The following LRBA variants were observed in gnomAD, a reference collection of about 807,000 sequenced individuals.
The protein encoded by LRBA is LPS responsive beige-like anchor protein, also known as lipopolysaccharide-responsive and beige-like anchor protein.
Under a neutral mutation model 330.0 loss-of-function variants are expected in LRBA, and 176 were observed. The ratio of observed to expected loss-of-function variants is 0.53; its 90% confidence interval spans 0.47 to 0.60. The LOEUF (loss-of-function observed/expected upper bound fraction) is 0.60, where lower values mean the gene tolerates loss of function less well. Ranked by LOEUF, LRBA falls within the 20% of genes least tolerant of loss-of-function variation. The probability of loss-of-function intolerance (pLI) is 0.00; values close to 1 mark genes in which losing one functional copy is unlikely to be tolerated. For missense variants in LRBA, 3,259 were observed against 3,444.8 expected, an observed-to-expected ratio of 0.95 and a Z score of 1.35; for synonymous variants, 1,230 against 1,193.0, an observed-to-expected ratio of 1.03 and a Z score of -0.64.
chr4:150,763,608 G>C (rs550571504), intron 34 of LRBA, among the ~76,000 whole-genome samples: 1 of 151,996 alleles, frequency 6.6e-6, no homozygotes, highest in East Asian at 1.9e-4. Flanking sequence ...TTGAGAGAAG[G>C]GCATGTGCCA....
At chr4:150,487,859 T>A (rs1027251181) in intron 41 of LRBA, 25 bp from the exon 42 acceptor site, 1 of 1,317,314 alleles carries the variant, frequency 7.6e-7, no homozygotes, top group Non-Finnish European at 1.1e-6. Flanking sequence ...TTTTAAAAAT[T>A]AGAACACAGT....
chr4:150,582,979 C>T (rs761139412), intron 40 of LRBA: 2 of 1,526,954 alleles, frequency 1.3e-6, no homozygotes, highest in Admixed American at 2.1e-5. Flanking sequence ...AGCCTTGGAT[C>T]CCTCAACGTA....
chr4:150,615,464 A>C (rs886173411), intron 37 of LRBA, among the ~76,000 whole-genome samples: 23 of 152,318 alleles, frequency 1.5e-4, no homozygotes, highest in South Asian at 1.5e-3. Flanking sequence ...CAGTGGAAGT[A>C]GTAAAAAGTC....
intron 47 of LRBA, among the ~76,000 whole-genome samples, chr4:150,369,625 C>T (rs1739969519): frequency 1.3e-5 from 2 of 151,934 alleles, no homozygotes; most frequent in African/African-American, 4.8e-5. Context: ...TAACAAAATG[C>T]TTACTTATGC....
intron 44 of LRBA, among the ~76,000 whole-genome samples, chr4:150,445,137 C>A (rs572761694): frequency 4.7e-4 from 72 of 151,872 alleles, no homozygotes; most frequent in Non-Finnish European, 8.8e-4. Context: ...ACTTAAAAAA[C>A]CAGTTAAGGC....
intron 2 of LRBA, among the ~76,000 whole-genome samples, chr4:150,949,558 C>T (rs930466013): frequency 2.0e-5 from 3 of 152,034 alleles, no homozygotes; most frequent in African/African-American, 7.2e-5. Flanking sequence ...CAAAGGATTT[C>T]TCTGCATTAT....
Position 150,321,450 on chromosome 4 carries a change from A to G in LRBA, c.7453-82T>C, listed in dbSNP as rs532354190. 37 of 1,204,190 alleles carry G rather than the reference A, an allele frequency of 3.1e-5. No homozygotes were observed. In the South Asian group the frequency reaches 5.9e-4, roughly 19 times the overall value. The allele number at this position is 1,204,190 out of a possible 1,614,324, so 74.6% of individuals were successfully genotyped here. Reference sequence around the variant, plus strand: ...AAAGATGAAGAAAGACAAGAAAGAGAGGGGGTGCAGGAAAAGAAGAGGAAG... The same window carrying G: ...AAAGATGAAGAAAGACAAGAAAGAGGGGGGGTGCAGGAAAAGAAGAGGAAG... On this transcript the variant is annotated intron_variant, in intron 49 of 56. Coordinates refer to ENST00000651943, the MANE Select transcript of LRBA (RefSeq NM_001364905.1). The surrounding 1 kb of genome is among the most constrained non-coding windows in gnomAD (Gnocchi z 4.5).
At chr4:150,689,826 G>A (rs1783958041) in intron 36 of LRBA, among the ~76,000 whole-genome samples, 1 of 152,162 alleles carries the variant, frequency 6.6e-6, no homozygotes. Context: ...TTGGGAGGCT[G>A]AGGTGGGAGG....
At chr4:150,726,267 A>C (rs537929817) in intron 36 of LRBA, among the ~76,000 whole-genome samples, 12 of 152,328 alleles carry the variant, frequency 7.9e-5, no homozygotes, top group African/African-American at 2.9e-4. Flanking sequence ...TTCACCTATA[A>C]AGTTACACAT....
At chr4:150,398,036 T>C (rs1744980907) in intron 47 of LRBA, among the ~76,000 whole-genome samples, 2 of 152,170 alleles carry the variant, frequency 1.3e-5, no homozygotes, top group African/African-American at 4.8e-5. Context: ...TAATTACATA[T>C]ATATTTTAGT....
chr4:150,421,274 TATAA>T (rs1348243479), intron 46 of LRBA, among the ~76,000 whole-genome samples: 2 of 141,604 alleles, frequency 1.4e-5, no homozygotes, highest in South Asian at 2.1e-4. Flanking sequence ...ATATATATAA[TATAA>T]ATATATACTT....
At chr4:150,961,143 T>A (rs1738098189) in intron 2 of LRBA, among the ~76,000 whole-genome samples, 1 of 149,138 alleles carries the variant, frequency 6.7e-6, no homozygotes, top group African/African-American at 2.6e-5. Context: ...GTAGATGAGA[T>A]TCAGCTGTGG....
intron 36 of LRBA, among the ~76,000 whole-genome samples, chr4:150,713,479 A>G (rs1786434760): frequency 6.6e-6 from 1 of 152,206 alleles, no homozygotes; most frequent in African/African-American, 2.4e-5. Flanking sequence ...AACAAAAGGA[A>G]ATGACAAGCA....
chr4:150,540,639 C>T (rs936565164), intron 40 of LRBA, among the ~76,000 whole-genome samples: 2 of 152,106 alleles, frequency 1.3e-5, no homozygotes, highest in African/African-American at 2.4e-5. Flanking sequence ...ATAACAATAG[C>T]AACTTATACT....
chr4:150,453,267 T>A (rs1233509511), intron 44 of LRBA, among the ~76,000 whole-genome samples: 5 of 152,164 alleles, frequency 3.3e-5, no homozygotes. Context: ...ATGACTTTAT[T>A]ACATGATTTA....
At chr4:150,345,538 GA>G (rs1736168059) in intron 48 of LRBA, among the ~76,000 whole-genome samples, 1 of 152,172 alleles carries the variant, frequency 6.6e-6, no homozygotes, top group Admixed American at 6.5e-5. Context: ...AACACTTGCT[GA>G]GTACTTATGA....
chr4:150,750,148 C>T (rs1733340162), intron 35 of LRBA, among the ~76,000 whole-genome samples: 1 of 152,216 alleles, frequency 6.6e-6, no homozygotes, highest in Non-Finnish European at 1.5e-5. Context: ...AGTATGTTTA[C>T]TCTCATAACA....
Position 150,494,791 on chromosome 4 carries a change from G to C in LRBA, c.6331-3756C>G, listed in dbSNP as rs188510434. ...CAGGCGGATCACGAGGTCAGGAGAT[G>C]GGGACCATCCTAGCTAACAAGGTAA... On this transcript the variant is annotated intron_variant, in intron 40 of 56. Transcript: ENST00000651943. Among the ~76,000 whole-genome samples the C allele has an allele frequency of 4.2e-3, 644 of 152,128 alleles. 3 individuals are homozygous for C. The highest frequency in any genetic ancestry group is 0.015 in the African/African-American group (623 of 41,502).
chr4:150,908,898 G>C (rs1169199527), intron 9 of LRBA, 41 bp from the exon 10 acceptor site: 2 of 1,348,008 alleles, frequency 1.5e-6, no homozygotes, highest in Non-Finnish European at 2.1e-6. Context: ...ATGCCACAAA[G>C]AGAATCTAAG....
Sources: gnomAD v4.1 joint callset for allele counts (sites outside exome capture counted in the v4.1 genomes callset) on GRCh38, gnomAD v4.1.1 for gene constraint, Gnocchi (gnomAD v3.1) non-coding constraint, MANE v1.5 for transcripts, NCBI Gene and HGNC (gene_info 2026-07-23, HGNC 2026-07-21) for gene names.